DISP1: variants seen among roughly 807,000 people sequenced by gnomAD.
DISP1 encodes protein dispatched homolog 1.
Under a neutral mutation model 37.3 loss-of-function variants are expected in DISP1, and 30 were observed. The ratio of observed to expected loss-of-function variants is 0.80; its 90% CI spans 0.60 to 1.09. The LOEUF is 1.09. Among genes scored for constraint, DISP1 ranks in the 50% least tolerant of loss-of-function variants. The probability of loss-of-function intolerance (pLI) is 0.00; values close to 1 mark genes in which losing one functional copy is unlikely to be tolerated. For missense variants in DISP1, 1,598 were observed against 1,879.5 expected, an observed-to-expected ratio of 0.85 and a Z score of 2.77; for synonymous variants, 634 against 690.2, an observed-to-expected ratio of 0.92 and a Z score of 1.28.
intron 1 of DISP1, among the ~76,000 whole-genome samples, chr1:222,826,333 T>C (rs1295908338): frequency 6.6e-6 from 1 of 151,856 alleles, no homozygotes; most frequent in Non-Finnish European, 1.5e-5. Flanking sequence ...TAATTAGAGC[T>C]CTGGGCTCAA....
At chr1:222,899,460 A>G (rs966207593) in intron 1 of DISP1, among the ~76,000 whole-genome samples, 7 of 152,220 alleles carry the variant, frequency 4.6e-5, no homozygotes, top group Non-Finnish European at 7.3e-5. Flanking sequence ...GCTAACTTTT[A>G]TGTGCATCAG....
chr1:222,917,160 A>G (rs891187895), intron 1 of DISP1, among the ~76,000 whole-genome samples: 1 of 152,224 alleles, frequency 6.6e-6, no homozygotes, highest in Non-Finnish European at 1.5e-5. Context: ...TTTGCTCACT[A>G]GAAGCAAGGA....
chr1:222,950,625 G>C (rs1675153390), intron 3 of DISP1, among the ~76,000 whole-genome samples: 1 of 151,702 alleles, frequency 6.6e-6, no homozygotes, highest in South Asian at 2.1e-4. Flanking sequence ...ATGTGAGAAA[G>C]GTAAAGAGAA....
chr1:222,939,436 G>C (rs1183396890), intron 2 of DISP1, among the ~76,000 whole-genome samples: 1 of 148,318 alleles, frequency 6.7e-6, no homozygotes, highest in South Asian at 2.1e-4. Flanking sequence ...GATTGAGGAG[G>C]GTCTAGAGGG....
At chr1:222,985,916 G>T (rs913144920) in intron 4 of DISP1, among the ~76,000 whole-genome samples, 3 of 151,846 alleles carry the variant, frequency 2.0e-5, no homozygotes, top group African/African-American at 7.3e-5. Flanking sequence ...TTCTCACTAA[G>T]TTGATAGTTG....
At chr1:222,859,531 G>T (rs560708759) in intron 1 of DISP1, among the ~76,000 whole-genome samples, 1 of 152,228 alleles carries the variant, frequency 6.6e-6, no homozygotes, top group East Asian at 1.9e-4. Context: ...GATAAGAGAA[G>T]ATATTATATC....
At chr1:222,883,265 C>A (rs1022915145) in intron 1 of DISP1, among the ~76,000 whole-genome samples, 36 of 152,090 alleles carry the variant, frequency 2.4e-4, no homozygotes, top group Non-Finnish European at 2.9e-5. Context: ...GCCACCACCA[C>A]CAACAATGTA....
intron 3 of DISP1, among the ~76,000 whole-genome samples, chr1:222,971,750 C>T (rs552056573): frequency 6.6e-6 from 1 of 152,060 alleles, no homozygotes; most frequent in African/African-American, 2.4e-5. Flanking sequence ...ATATAAAATA[C>T]ATAATTTGAA....
intron 8 of DISP1, 80 bp from the exon 9 acceptor site, chr1:223,002,305 C>A: frequency 7.7e-7 from 1 of 1,291,572 alleles, no homozygotes. Context: ...TCAAGATCAC[C>A]TTAGTGCAGT....
intron 3 of DISP1, among the ~76,000 whole-genome samples, chr1:222,980,192 T>G (rs1452229355): frequency 1.3e-5 from 2 of 152,222 alleles, no homozygotes; most frequent in African/African-American, 4.8e-5. Flanking sequence ...AACATTTATG[T>G]TTAAGTTACT....
chr1:222,930,853 G>A (rs1673346477), intron 2 of DISP1, among the ~76,000 whole-genome samples: 1 of 152,026 alleles, frequency 6.6e-6, no homozygotes, highest in Admixed American at 6.6e-5. Context: ...TAAGTTTGAT[G>A]TTCTTCTAAG....
intron 3 of DISP1, among the ~76,000 whole-genome samples, chr1:222,980,759 GT>G (rs746762194): frequency 6.6e-6 from 1 of 152,096 alleles, no homozygotes; most frequent in Non-Finnish European, 1.5e-5. Context: ...TTATAATGCT[GT>G]AAATATTCAG....
chr1:222,845,270 A>T (rs1337427623), intron 1 of DISP1, among the ~76,000 whole-genome samples: 1 of 152,196 alleles, frequency 6.6e-6, no homozygotes, highest in East Asian at 1.9e-4. Context: ...TTGTAAGTGC[A>T]TTCAAAATCG....
At chr1:222,845,861 T>C (rs1418684119) in intron 1 of DISP1, among the ~76,000 whole-genome samples, 1 of 152,208 alleles carries the variant, frequency 6.6e-6, no homozygotes, top group Non-Finnish European at 1.5e-5. Flanking sequence ...TGACATGCTT[T>C]AATATTCAAA....
intron 2 of DISP1, among the ~76,000 whole-genome samples, chr1:222,940,205 C>T (rs34799664): frequency 0.069 from 10,559 of 152,082 alleles, 570 homozygotes; most frequent in Non-Finnish European, 0.1. Context: ...GCTCACGATT[C>T]TGCAGGCTGT....
chr1:222,828,116 A>C (rs1664865991), intron 1 of DISP1, among the ~76,000 whole-genome samples: 1 of 152,210 alleles, frequency 6.6e-6, no homozygotes, highest in Admixed American at 6.5e-5. Context: ...TCCTCTTTTA[A>C]AGATGAGGAA....
intron 3 of DISP1, among the ~76,000 whole-genome samples, chr1:222,967,767 C>T (rs1676612765): frequency 6.6e-6 from 1 of 152,176 alleles, no homozygotes; most frequent in African/African-American, 2.4e-5. Flanking sequence ...ACAAGGAAAG[C>T]ATACGGGAGT....
intron 3 of DISP1, among the ~76,000 whole-genome samples, chr1:222,966,860 A>C (rs901896627): frequency 6.7e-6 from 1 of 149,784 alleles, no homozygotes; most frequent in African/African-American, 2.6e-5. Context: ...GGATTTAAGA[A>C]CTCCCCCCAC....
At chr1:222,840,933 T>C (rs1207883691) in intron 1 of DISP1, among the ~76,000 whole-genome samples, 1 of 152,190 alleles carries the variant, frequency 6.6e-6, no homozygotes, top group Non-Finnish European at 1.5e-5. Flanking sequence ...TTTAGTTAAA[T>C]ACTATATGTA....
Sources: allele counts gnomAD v4.1 joint callset (sites outside exome capture counted in the v4.1 genomes callset), GRCh38; gene constraint gnomAD v4.1.1; transcripts MANE v1.5; gene names NCBI Gene and HGNC (gene_info 2026-07-23, HGNC 2026-07-21).